The following RBMS1 variants were observed in gnomAD, a reference collection of about 807,000 sequenced individuals.
RBMS1 encodes the protein RNA-binding motif, single-stranded-interacting protein 1.
In RBMS1, 17 loss-of-function variants were observed where a neutral mutation model predicts 62.3. The ratio of observed to expected loss-of-function variants is 0.27; its 90% CI spans 0.19 to 0.41. The LOEUF (loss-of-function observed/expected upper bound fraction) is 0.41, where lower values mean the gene tolerates loss of function less well. Ranked by LOEUF, RBMS1 falls within the 10% of genes least tolerant of loss-of-function variation. The pLI is 1.00. For missense variants in RBMS1, 334 were observed against 504.5 expected, an observed-to-expected ratio of 0.66 and a Z score of 3.24; for synonymous variants, 172 against 170.0, an observed-to-expected ratio of 1.01 and a Z score of -0.09.
intron 1 of RBMS1, among the ~76,000 whole-genome samples, chr2:160,392,950 C>A (rs760302652): frequency 5.3e-5 from 8 of 152,144 alleles, no homozygotes; most frequent in Non-Finnish European, 8.8e-5. Flanking sequence ...ATACTACCTT[C>A]TTTTTTGCTT....
intron 2 of RBMS1, among the ~76,000 whole-genome samples, chr2:160,319,057 T>G (rs1690394245): frequency 6.6e-6 from 1 of 152,226 alleles, no homozygotes; most frequent in Admixed American, 6.5e-5. Context: ...TTTAGCATAC[T>G]GCTACTGAAA....
At chr2:160,445,580 A>T (rs1342291671) in intron 1 of RBMS1, among the ~76,000 whole-genome samples, 1 of 152,250 alleles carries the variant, frequency 6.6e-6, no homozygotes, top group Non-Finnish European at 1.5e-5. Flanking sequence ...ATCTGCTTTT[A>T]ACTGTGGAAA....
At chr2:160,329,842 T>G (rs536300811) in intron 2 of RBMS1, among the ~76,000 whole-genome samples, 1 of 151,998 alleles carries the variant, frequency 6.6e-6, no homozygotes, top group East Asian at 1.9e-4. Context: ...CCTTGCATAA[T>G]AGGAGAGCTG....
At chr2:160,451,020 G>A (rs1033602849) in intron 1 of RBMS1, among the ~76,000 whole-genome samples, 6 of 152,094 alleles carry the variant, frequency 3.9e-5, no homozygotes, top group African/African-American at 1.2e-4. Context: ...GTCAGATATA[G>A]TGCTGCATGC....
chr2:160,407,834 G>A, intron 1 of RBMS1: 2 of 981,264 alleles, frequency 2.0e-6, no homozygotes, highest in South Asian at 9.4e-5. Context: ...CGGCGTCGCC[G>A]ACTCTCCCGG....
rs1574190830 is a variant in RBMS1, at chr2:160,273,728, A to T, written c.*1044T>A. On this transcript the variant is annotated 3_prime_UTR_variant, in exon 14 of 14. Coordinates refer to ENST00000348849, the MANE Select transcript of RBMS1 (RefSeq NM_016836.4). ...CTCCCCTCCCCCACCCCCATCCCCA[A>T]CCCCAACACTACCTACACTAAATCT... 6.8e-6 allele frequency: 1 copy of T among 146,284 alleles called. No individual in the cohort carries two copies. The highest frequency in any genetic ancestry group is 2.5e-5 in the African/African-American group (1 of 39,812). 9.1% of individuals were successfully genotyped at this position (146,284 alleles called of 1,614,324 possible).
At chr2:160,321,498 T>A (rs1361735399) in intron 2 of RBMS1, among the ~76,000 whole-genome samples, 2 of 152,196 alleles carry the variant, frequency 1.3e-5, no homozygotes, top group African/African-American at 2.4e-5. Context: ...GTGTTTTTTT[T>A]AAAACTCACC....
At chr2:160,433,390 G>A (rs1443767074) in intron 1 of RBMS1, among the ~76,000 whole-genome samples, 1 of 152,210 alleles carries the variant, frequency 6.6e-6, no homozygotes, top group East Asian at 1.9e-4. Context: ...CGTTAGCCTG[G>A]CCCACAGTGT....
At chr2:160,345,828 G>A (rs1444940447) in intron 2 of RBMS1, among the ~76,000 whole-genome samples, 5 of 152,086 alleles carry the variant, frequency 3.3e-5, no homozygotes, top group Non-Finnish European at 7.4e-5. Flanking sequence ...GTGGTGAGTA[G>A]TGGGAACAAT....
At chr2:160,331,295 C>T (rs1008096613) in intron 2 of RBMS1, among the ~76,000 whole-genome samples, 1 of 152,114 alleles carries the variant, frequency 6.6e-6, no homozygotes, top group African/African-American at 2.4e-5. Context: ...AATTTCCTGC[C>T]CTTTAAGATT....
At chr2:160,490,235 G>A (rs1685764000) in intron 1 of RBMS1, among the ~76,000 whole-genome samples, 2 of 151,438 alleles carry the variant, frequency 1.3e-5, no homozygotes, top group Non-Finnish European at 2.9e-5. Flanking sequence ...GCTACATCAA[G>A]CTACATTTCA....
intron 1 of RBMS1, among the ~76,000 whole-genome samples, chr2:160,412,108 C>G (rs937009981): frequency 6.6e-6 from 1 of 152,164 alleles, no homozygotes; most frequent in Non-Finnish European, 1.5e-5. Flanking sequence ...AGAGATCACT[C>G]TCATAAGCCA....
At chr2:160,480,597 G>A (rs1251496297) in intron 1 of RBMS1, among the ~76,000 whole-genome samples, 1 of 152,076 alleles carries the variant, frequency 6.6e-6, no homozygotes, top group African/African-American at 2.4e-5. Context: ...TTAAAGTTTG[G>A]AAGATTCATT....
At chr2:160,298,240 G>A (rs1438198219) in intron 6 of RBMS1, among the ~76,000 whole-genome samples, 3 of 152,096 alleles carry the variant, frequency 2.0e-5, no homozygotes, top group Non-Finnish European at 4.4e-5. Context: ...TTGGGAGTCT[G>A]GGTAGATACT....
chr2:160,357,199 A>G (rs2106012533), intron 2 of RBMS1, among the ~76,000 whole-genome samples: 1 of 152,258 alleles, frequency 6.6e-6, no homozygotes, highest in Middle Eastern at 3.4e-3. Context: ...CTTCAATCAC[A>G]GAGAAGGAAA....
In RBMS1 at chr2:160,352,811, C is replaced by T. The variant is rs535426717; in HGVS notation, c.251+14405G>A. 2.3e-3 allele frequency among the ~76,000 whole-genome samples: 350 copies of T among 152,212 alleles called. 1 individual carries two copies. The highest frequency in any genetic ancestry group is 8.0e-3 in the African/African-American group (333 of 41,552). On this transcript the variant is annotated intron_variant, in intron 2 of 13. Transcript: ENST00000348849. The stretch of plus-strand genomic sequence containing the variant: ...AGACAGCTGTATAATACTAAAGTGC[C>T]TACCGCGTTGCATCATGATAAAGTG...
At chr2:160,453,819 A>T (rs1684098356) in intron 1 of RBMS1, among the ~76,000 whole-genome samples, 1 of 152,176 alleles carries the variant, frequency 6.6e-6, no homozygotes, top group Non-Finnish European at 1.5e-5. Flanking sequence ...AAGCACCCTC[A>T]GCCACACAGA....
intron 1 of RBMS1, among the ~76,000 whole-genome samples, chr2:160,378,690 G>A (rs966683298): frequency 6.6e-6 from 1 of 151,430 alleles, no homozygotes; most frequent in East Asian, 1.9e-4. Context: ...CAATTTAACC[G>A]GCTTGAATTA....
chr2:160,273,337 G>A lies in RBMS1; in HGVS notation c.*1435C>T, dbSNP rs934627655. 5 of 152,054 alleles carry A rather than the reference G, an allele frequency of 3.3e-5. No individual in the cohort carries two copies. Among genetic ancestry groups the A allele is most frequent in the African/African-American group, 1.2e-4 (5 of 41,384 alleles). The allele number at this position is 152,054 out of a possible 1,614,324, so 9.4% of individuals were successfully genotyped here. On this transcript the variant is annotated 3_prime_UTR_variant, in exon 14 of 14. Coordinates refer to ENST00000348849, the MANE Select transcript of RBMS1 (RefSeq NM_016836.4). Reference sequence around the variant, plus strand: ...AAAATTATAAAACCTAAATGCAAAGGTACAAAAAAGGCACATTCTCCTAAC... The same window carrying A: ...AAAATTATAAAACCTAAATGCAAAGATACAAAAAAGGCACATTCTCCTAAC...
Sources: gnomAD v4.1 joint callset for allele counts (sites outside exome capture counted in the v4.1 genomes callset) on GRCh38, gnomAD v4.1.1 for gene constraint, MANE v1.5 for transcripts, NCBI Gene and HGNC (gene_info 2026-07-23, HGNC 2026-07-21) for gene names.